HEPACAM2: variants seen among roughly 807,000 people sequenced by gnomAD.
HEPACAM2 encodes the protein HEPACAM family member 2.
Under a neutral mutation model 49.6 loss-of-function variants are expected in HEPACAM2, and 49 were observed. The ratio of observed to expected loss-of-function variants is 0.99; its 90% CI spans 0.78 to 1.25. The LOEUF (loss-of-function observed/expected upper bound fraction) is 1.25. Among genes scored for constraint, HEPACAM2 ranks in the 50% most tolerant of loss-of-function variants. HEPACAM2 has a pLI of 0.00. For synonymous variants in HEPACAM2, 197 were observed against 202.9 expected (o/e 0.97, Z 0.25); for missense variants, 525 against 557.2 (o/e 0.94, Z 0.58).
At chr7:93,215,036 A>G (rs1357724639) in intron 3 of HEPACAM2, among the ~76,000 whole-genome samples, 1 of 152,192 alleles carries the variant, frequency 6.6e-6, no homozygotes. Context: ...TAATATTTGG[A>G]GAGGAAAAAA....
At position 93,197,576 on chromosome 7, in the gene HEPACAM2, C is replaced by G; in HGVS notation, c.1047G>C (p.Leu349Phe). ...TTCCAGTTATACTTGCTAAAGGTGACAATGATTTTCCTTTCTGTGCAAGCT... is the reference window on the plus strand; with the variant it reads ...TTCCAGTTATACTTGCTAAAGGTGAGAATGATTTTCCTTTCTGTGCAAGCT... ...LEKLAQKGKSLSPLASITGIS... is the reference protein window; with the variant it reads ...LEKLAQKGKSFSPLASITGIS... Residue 349 changes from leucine to phenylalanine, a missense_variant, in exon 5 of 10, where the codon TTG (leucine) becomes TTC (phenylalanine). Leu to Phe is a conservative substitution (Grantham distance 22). Coordinates refer to ENST00000394468, the MANE Select transcript of HEPACAM2 (RefSeq NM_001039372.4). The G allele has an allele frequency of 6.3e-7, 1 of 1,596,592 alleles. No individual in the cohort carries two copies. The highest frequency in any genetic ancestry group is 8.5e-7 in the Non-Finnish European group (1 of 1,170,252).
the HEPACAM2 span, among the ~76,000 whole-genome samples, chr7:93,231,860 T>C: frequency 6.6e-6 from 1 of 152,148 alleles, no homozygotes; most frequent in South Asian, 2.1e-4. Flanking sequence ...GGGCCGCCTA[T>C]TGGGCAACCT....
chr7:93,229,462 T>A, upstream of HEPACAM2, among the ~76,000 whole-genome samples: 1 of 152,212 alleles, frequency 6.6e-6, no homozygotes, highest in East Asian at 1.9e-4. Context: ...GCTTTGGTAT[T>A]TGTGGAGTGG....
intron 4 of HEPACAM2, among the ~76,000 whole-genome samples, chr7:93,199,020 C>T (rs1202487088): frequency 6.6e-6 from 1 of 152,034 alleles, no homozygotes; most frequent in African/African-American, 2.4e-5. Flanking sequence ...AATCGGTTAT[C>T]TCTTCTAATT....
intron 1 of HEPACAM2, chr7:93,226,045 A>C: frequency 1.7e-6 from 1 of 584,234 alleles, no homozygotes; most frequent in Non-Finnish European, 2.9e-6. Flanking sequence ...TTGCTGAAAT[A>C]AATGCATTAA....
chr7:93,225,247 G>A (rs1249979604), intron 1 of HEPACAM2, among the ~76,000 whole-genome samples: 2 of 152,046 alleles, frequency 1.3e-5, no homozygotes, highest in Non-Finnish European at 2.9e-5. Flanking sequence ...GGTAGTGACA[G>A]TTATAATAAT....
At chr7:93,208,441 C>A (rs1046854053) in intron 4 of HEPACAM2, 139 bp downstream of exon 4, 3 of 740,654 alleles carry the variant, frequency 4.1e-6, no homozygotes, top group Non-Finnish European at 6.1e-6. Context: ...GCTTAGTTAA[C>A]TTTGGAAAGA....
intron 3 of HEPACAM2, among the ~76,000 whole-genome samples, chr7:93,214,198 A>C (rs1489622471): frequency 6.6e-6 from 1 of 152,118 alleles, no homozygotes; most frequent in Non-Finnish European, 1.5e-5. Flanking sequence ...AAAATCAAAT[A>C]ATCTATAAAT....
At chr7:93,222,827 G>A (rs1426070484) in intron 1 of HEPACAM2, among the ~76,000 whole-genome samples, 1 of 152,082 alleles carries the variant, frequency 6.6e-6, no homozygotes, top group Non-Finnish European at 1.5e-5. Flanking sequence ...AAGGTGAAGG[G>A]CCCAGAGAGT....
rs150016337 is a variant in HEPACAM2, at chr7:93,192,357, T to C, written c.1282A>G (p.Ser428Gly). 6 of 1,610,482 alleles carry C rather than the reference T, an allele frequency of 3.7e-6. No individual in the cohort carries two copies. The highest frequency in any genetic ancestry group is 4.5e-5 in the East Asian group (2 of 44,822). ...CAATCAGAGGCTGGAACAGACCTGCTTGGGATCTAGAAAATGTGATACATT... is the reference window on the plus strand; with the variant it reads ...CAATCAGAGGCTGGAACAGACCTGCCTGGGATCTAGAAAATGTGATACATT... ...PDVSGVSRIP[S>G]RSVPASDCVS... The change falls in exon 9 of 10, where the codon AGC (serine) becomes GGC (glycine). Residue 428 changes from serine (S) to glycine (G), a missense_variant. Coordinates refer to ENST00000394468, the MANE Select transcript of HEPACAM2 (RefSeq NM_001039372.4).
chr7:93,195,505 C>A (rs1793689370), intron 8 of HEPACAM2, among the ~76,000 whole-genome samples: 1 of 152,128 alleles, frequency 6.6e-6, no homozygotes, highest in African/African-American at 2.4e-5. Flanking sequence ...AGATGTGAGC[C>A]ACCACGCCCA....
At chr7:93,212,245 C>A (rs1404289567) in intron 3 of HEPACAM2, among the ~76,000 whole-genome samples, 2 of 151,984 alleles carry the variant, frequency 1.3e-5, no homozygotes, top group Non-Finnish European at 1.5e-5. Context: ...ATTATCTTAT[C>A]TTCCTTAATC....
rs80158728 is a variant in HEPACAM2 at position 93,194,921 on chromosome 7, C to CTTTTTTT, written c.1275+900_1275+906dup. 1.3e-4 allele frequency among the ~76,000 whole-genome samples: 15 copies of CTTTTTTT among 118,172 alleles called. 1 individual carries two copies. The highest frequency in any genetic ancestry group is 4.2e-3 in the Middle Eastern group (1 of 236). 77.5% of individuals were successfully genotyped at this position (118,172 alleles called of 152,430 possible). ...AGAAAAACTGATTACTTTAAAAGAT[C>CTTTTTTT]TTTTTTTTTTTTTTTTTTCCGGACT... is the stretch of plus-strand genomic sequence containing the variant. On this transcript the variant is annotated intron_variant, in intron 8 of 9. Coordinates refer to ENST00000394468, the MANE Select transcript of HEPACAM2 (RefSeq NM_001039372.4).
Position 93,219,151 on chromosome 7 carries a change from T to C in HEPACAM2, c.380A>G (p.Gln127Arg). ...EGNYIVKVNI[Q>R]GNGTLSASQK... is the part of the protein sequence containing the mutation. ...ACTGGCAGATAGAGTTCCATTTCCC[T>C]GAATGTTGACCTTCACGATGTAATT... Residue 127 changes from glutamine to arginine, a missense_variant, in exon 2 of 10, where the codon CAG becomes CGG. Gln to Arg is a conservative substitution (Grantham distance 43). Coordinates refer to ENST00000394468, the MANE Select transcript of HEPACAM2 (RefSeq NM_001039372.4). 1 of 1,613,982 alleles carries C rather than the reference T, an allele frequency of 6.2e-7. No homozygotes were observed. The highest frequency in any genetic ancestry group is 8.5e-7 in the Non-Finnish European group (1 of 1,179,904).
intron 4 of HEPACAM2, among the ~76,000 whole-genome samples, chr7:93,199,171 A>G (rs533027198): frequency 1.6e-4 from 25 of 152,198 alleles, no homozygotes; most frequent in Admixed American, 1.6e-3. Context: ...GCATTCTTAA[A>G]ATGTTATTCT....
At chr7:93,192,413 G>T in intron 8 of HEPACAM2, 50 bp from the exon 9 acceptor site, 1 of 1,363,774 alleles carries the variant, frequency 7.3e-7, no homozygotes. Flanking sequence ...CTAGTAAATA[G>T]TTTTTCCACT....
intron 1 of HEPACAM2, among the ~76,000 whole-genome samples, chr7:93,220,684 C>A (rs1794431651): frequency 6.6e-6 from 1 of 152,178 alleles, no homozygotes; most frequent in African/African-American, 2.4e-5. Flanking sequence ...CAGTGGATAG[C>A]CCTGGGCAGT....
In HEPACAM2 at chr7:93,221,332, A is replaced by AT. The variant is rs563608443; in HGVS notation, c.80-1882dup. On this transcript the variant is annotated intron_variant, in intron 1 of 9. Coordinates refer to ENST00000394468, the MANE Select transcript of HEPACAM2 (RefSeq NM_001039372.4). ...CTTCCACTTTTTCATTTTTTTCTAC[A>AT]TTTTTTTGATTTCATTCTACTAGAA... Among the ~76,000 whole-genome samples the AT allele has an allele frequency of 4.7e-4, 71 of 152,164 alleles. No homozygotes were observed. The South Asian group carries it at 0.014, about 30-fold the overall frequency.
At chr7:93,199,156 G>A (rs539242374) in intron 4 of HEPACAM2, among the ~76,000 whole-genome samples, 19 of 152,140 alleles carry the variant, frequency 1.2e-4, no homozygotes, top group African/African-American at 4.6e-4. Flanking sequence ...TGCGTTCAGA[G>A]AACTGCATTC....
Sources: gnomAD v4.1 joint callset for allele counts (sites outside exome capture counted in the v4.1 genomes callset) on GRCh38, gnomAD v4.1.1 for gene constraint, MANE v1.5 for transcripts, NCBI Gene and HGNC (gene_info 2026-07-23, HGNC 2026-07-21) for gene names.